The following SAMD3 variants were observed in gnomAD, a reference collection of about 807,000 sequenced individuals.
SAMD3 encodes sterile alpha motif domain containing 3, also known as sterile alpha motif domain-containing protein 3.
SAMD3 carries 63 observed loss-of-function variants against 58.5 expected under a neutral mutation model. The observed-to-expected ratio is 1.08, with a 90% confidence interval of 0.88 to 1.33. The LOEUF (loss-of-function observed/expected upper bound fraction) is 1.33. SAMD3 is among the 40% of genes most tolerant of loss of function. The probability of loss-of-function intolerance (pLI) is 0.00; values close to 1 mark genes in which losing one functional copy is unlikely to be tolerated. For synonymous variants in SAMD3, 220 were observed against 210.3 expected (o/e 1.05, Z -0.40); for missense variants, 604 against 608.4 (o/e 0.99, Z 0.08).
intron 5 of SAMD3, 147 bp from the exon 6 acceptor site, chr6:130,184,770 T>C (rs559110933): frequency 1.1e-4 from 64 of 607,722 alleles, no homozygotes; most frequent in Admixed American, 2.2e-4. Flanking sequence ...CATCCATTCA[T>C]CCATCCACAA....
intron 2 of SAMD3, among the ~76,000 whole-genome samples, chr6:130,297,803 C>A (rs541513493): frequency 4.6e-5 from 7 of 152,232 alleles, no homozygotes; most frequent in African/African-American, 1.7e-4. Flanking sequence ...GAACGCTGGT[C>A]TTTTGAATTC....
intron 7 of SAMD3, among the ~76,000 whole-genome samples, chr6:130,181,538 T>G (rs1451702856): frequency 1.3e-5 from 2 of 152,202 alleles, no homozygotes; most frequent in African/African-American, 4.8e-5. Flanking sequence ...CCTTAGTGAA[T>G]GTCACTGGGA....
chr6:130,184,736 T>C, intron 5 of SAMD3, 113 bp from the exon 6 acceptor site: 7 of 780,792 alleles, frequency 9.0e-6, no homozygotes, highest in Non-Finnish European at 9.9e-6. Flanking sequence ...GACCCAAATA[T>C]ATGGAAGTCA....
chr6:130,308,916 A>G (rs1266342276), intron 2 of SAMD3, among the ~76,000 whole-genome samples: 5 of 152,178 alleles, frequency 3.3e-5, no homozygotes, highest in Non-Finnish European at 5.9e-5. Context: ...AATTCTCTTT[A>G]AGACTCATGA....
chr6:130,239,662 T>C (rs1483798231), intron 2 of SAMD3, among the ~76,000 whole-genome samples: 2 of 152,108 alleles, frequency 1.3e-5, no homozygotes, highest in African/African-American at 4.8e-5. Flanking sequence ...TTGTCTGAGG[T>C]ATCACAGTAA....
chr6:130,305,935 A>T (rs1340651663), intron 2 of SAMD3, among the ~76,000 whole-genome samples: 4 of 152,252 alleles, frequency 2.6e-5, no homozygotes, highest in Non-Finnish European at 5.9e-5. Context: ...TCCAAGATCA[A>T]GATGGCAGCA....
rs181546538 is a variant in SAMD3, at chr6:130,266,614, C to A, written c.-187-43801G>T. ...TTAGTAAATTCCCAAAGTTGCAAACCATGTAGATCCTCCCAGAGTCCCACC... is the reference window on the plus strand; with the variant it reads ...TTAGTAAATTCCCAAAGTTGCAAACAATGTAGATCCTCCCAGAGTCCCACC... On this transcript the variant is annotated intron_variant, in intron 2 of 13. Coordinates refer to the SAMD3 transcript ENST00000368134. 2.6e-5 allele frequency among the ~76,000 whole-genome samples: 4 copies of A among 152,280 alleles called. No homozygotes were observed. The South Asian group carries it at 8.3e-4, about 32-fold the overall frequency.
intron 2 of SAMD3, among the ~76,000 whole-genome samples, chr6:130,299,200 A>G (rs1583068350): frequency 1.3e-5 from 2 of 152,274 alleles, no homozygotes. Context: ...AAAATTGACC[A>G]TACACTTGGT....
intron 2 of SAMD3, among the ~76,000 whole-genome samples, chr6:130,257,147 C>A (rs1773954129): frequency 6.6e-6 from 1 of 152,076 alleles, no homozygotes; most frequent in Non-Finnish European, 1.5e-5. Flanking sequence ...AGGGAAAGAT[C>A]TCTCTCTGTC....
At chr6:130,351,459 A>G (rs1457507088) in intron 1 of SAMD3, among the ~76,000 whole-genome samples, 1 of 152,252 alleles carries the variant, frequency 6.6e-6, no homozygotes, top group Admixed American at 6.5e-5. Context: ...TTATGCAGCC[A>G]AAAGACACAC....
At chr6:130,172,650 G>T (rs367889429) in intron 8 of SAMD3, among the ~76,000 whole-genome samples, 2 of 151,816 alleles carry the variant, frequency 1.3e-5, no homozygotes, top group South Asian at 4.2e-4. Context: ...TTTTTCCTTC[G>T]TTTCAACCCT....
chr6:130,301,387 T>C (rs148815630), intron 2 of SAMD3, among the ~76,000 whole-genome samples: 95 of 152,200 alleles, frequency 6.2e-4, no homozygotes, highest in African/African-American at 2.3e-3. Flanking sequence ...AGGCGAAAGA[T>C]CTTTACAAGG....
At chr6:130,150,777 T>C (rs1435468538) in intron 9 of SAMD3, among the ~76,000 whole-genome samples, 1 of 150,558 alleles carries the variant, frequency 6.6e-6, no homozygotes, top group African/African-American at 2.4e-5. Context: ...AGTGGCACAA[T>C]CTCGGCTCAC....
intron 2 of SAMD3, among the ~76,000 whole-genome samples, chr6:130,278,476 C>G (rs1774862728): frequency 6.6e-6 from 1 of 152,160 alleles, no homozygotes; most frequent in Non-Finnish European, 1.5e-5. Flanking sequence ...TACAAATTAA[C>G]ACAATAAAAG....
chr6:130,222,295 G>A (rs1236535493), intron 1 of SAMD3, among the ~76,000 whole-genome samples: 2 of 152,196 alleles, frequency 1.3e-5, no homozygotes, highest in East Asian at 1.9e-4. Context: ...GGTCCGAATA[G>A]CAAATAAATT....
Position 130,322,631 on chromosome 6 carries a change from CTG to C in SAMD3, c.-303-9540_-303-9539del, listed in dbSNP as rs1474848782. 3.9e-5 allele frequency among the ~76,000 whole-genome samples: 6 copies of C among 152,280 alleles called. No homozygotes were observed. In the South Asian group the frequency reaches 1.0e-3, roughly 26 times the overall value. On this transcript the variant is annotated intron_variant, in intron 1 of 13. Transcript: ENST00000368134. ...AGCCTGGGCGACAGAGTGAGTGAGA[CTG>C]TCTCAAAAAACCAAACCAAACCAAA...
chr6:130,204,787 G>A (rs1469666012), intron 5 of SAMD3, among the ~76,000 whole-genome samples: 1 of 135,300 alleles, frequency 7.4e-6, no homozygotes, highest in Non-Finnish European at 1.6e-5. Context: ...TTTTTTGTCA[G>A]CACACAATCG....
intron 5 of SAMD3, among the ~76,000 whole-genome samples, chr6:130,209,153 G>C (rs535265799): frequency 1.9e-4 from 29 of 152,232 alleles, no homozygotes; most frequent in Non-Finnish European, 3.1e-4. Context: ...ACTCCACCAA[G>C]GGATATTCTA....
intron 5 of SAMD3, among the ~76,000 whole-genome samples, chr6:130,208,640 G>A (rs568259479): frequency 1.1e-4 from 17 of 152,216 alleles, no homozygotes; most frequent in African/African-American, 3.9e-4. Context: ...ATCTGTCACT[G>A]TCTTCCATCA....
Sources: allele counts gnomAD v4.1 joint callset (sites outside exome capture counted in the v4.1 genomes callset), GRCh38; gene constraint gnomAD v4.1.1; transcripts MANE v1.5; gene names NCBI Gene and HGNC (gene_info 2026-07-23, HGNC 2026-07-21).